Variants in OSBPL10 observed in about 807,000 individuals in gnomAD.
OSBPL10 encodes oxysterol binding protein like 10.
A neutral mutation model predicts 81.7 loss-of-function variants in OSBPL10; 49 were observed. That is an observed-to-expected ratio of 0.60 (90% CI 0.48 to 0.76). The LOEUF is 0.76. OSBPL10 is among the 30% of genes least tolerant of loss of function. The pLI, the probability that OSBPL10 is intolerant of heterozygous loss-of-function variation, is 0.00. For synonymous variants in OSBPL10, 419 were observed against 383.6 expected (o/e 1.09, Z -1.08); for missense variants, 923 against 987.8 (o/e 0.93, Z 0.88).
intron 4 of OSBPL10, among the ~76,000 whole-genome samples, chr3:31,781,784 AC>A (rs1277534092): frequency 2.6e-5 from 4 of 152,306 alleles, no homozygotes; most frequent in Non-Finnish European, 4.4e-5. Context: ...AAACTAGAGA[AC>A]ACTGCTGAAA....
chr3:31,771,749 T>C (rs1327387467), intron 4 of OSBPL10, among the ~76,000 whole-genome samples: 4 of 152,170 alleles, frequency 2.6e-5, no homozygotes, highest in African/African-American at 9.7e-5. Context: ...CATGTCGACA[T>C]ATAGCTTAGA....
chr3:31,848,474 C>T (rs1350003849), intron 3 of OSBPL10, among the ~76,000 whole-genome samples: 3 of 151,868 alleles, frequency 2.0e-5, no homozygotes, highest in Non-Finnish European at 4.4e-5. Flanking sequence ...TGACTTTTTT[C>T]GTCAGTTCTT....
intron 4 of OSBPL10, among the ~76,000 whole-genome samples, chr3:31,766,323 T>A (rs1317446368): frequency 1.6e-5 from 1 of 62,702 alleles, no homozygotes; most frequent in Non-Finnish European, 3.8e-5. Context: ...CCAATGTAGT[T>A]TTTTTGTTTT....
intron 4 of OSBPL10, among the ~76,000 whole-genome samples, chr3:31,809,026 C>T: frequency 6.6e-6 from 1 of 152,150 alleles, no homozygotes; most frequent in East Asian, 1.9e-4. Context: ...GTAAACAAAG[C>T]ATTTTCAGCA....
intron 5 of OSBPL10, among the ~76,000 whole-genome samples, chr3:31,738,966 C>T (rs1697266603): frequency 6.6e-6 from 1 of 151,836 alleles, no homozygotes. Context: ...CAGAGCTGAG[C>T]AGGGCTGGGA....
rs1223586474 is a variant in OSBPL10 at position 31,727,600 on chromosome 3, T to A, written c.1095+5657A>T. 5.3e-5 allele frequency among the ~76,000 whole-genome samples: 8 copies of A among 152,222 alleles called. No homozygotes were observed. The East Asian group carries it at 1.5e-3, about 29-fold the overall frequency. ...GTTATCACAGGATTCAATAAAGTGA[T>A]TTTCAATCATCATAAGTCAGTGATA... On this transcript the variant is annotated intron_variant, in intron 6 of 11. Coordinates refer to ENST00000396556, the MANE Select transcript of OSBPL10 (RefSeq NM_017784.5).
At chr3:31,696,158 G>A (rs920611666) in intron 7 of OSBPL10, among the ~76,000 whole-genome samples, 1 of 151,686 alleles carries the variant, frequency 6.6e-6, no homozygotes, top group Non-Finnish European at 1.5e-5. Context: ...CTCTCTGCCT[G>A]CCCCCCTGCT....
chr3:31,873,600 G>A (rs763252454), intron 3 of OSBPL10, among the ~76,000 whole-genome samples: 51 of 152,184 alleles, frequency 3.4e-4, no homozygotes, highest in Middle Eastern at 3.4e-3. Flanking sequence ...CCCTGAACAC[G>A]ATTTTACGTA....
chr3:32,035,562 CAAAAAAAA>C (rs35533294), intron 2 of OSBPL10, among the ~76,000 whole-genome samples: 1 of 91,062 alleles, frequency 1.1e-5, no homozygotes, highest in Non-Finnish European at 2.0e-5. Context: ...AACTCTGTCT[CAAAAAAAA>C]AAAAAAAAAA....
chr3:31,930,917 G>C (rs1156493778), intron 1 of OSBPL10, among the ~76,000 whole-genome samples: 1 of 150,494 alleles, frequency 6.6e-6, no homozygotes, highest in African/African-American at 2.5e-5. Flanking sequence ...GGGAGGCTGA[G>C]GCAGGAGAAT....
At chr3:31,877,662 A>G (rs1208439408) in intron 2 of OSBPL10, among the ~76,000 whole-genome samples, 1 of 152,144 alleles carries the variant, frequency 6.6e-6, no homozygotes, top group African/African-American at 2.4e-5. Flanking sequence ...ACCTGACTTC[A>G]GCTTGAACTT....
chr3:31,857,018 T>C (rs907669077), intron 3 of OSBPL10, among the ~76,000 whole-genome samples: 1 of 152,196 alleles, frequency 6.6e-6, no homozygotes, highest in Admixed American at 6.5e-5. Flanking sequence ...ATCACACCAC[T>C]GCACTCCAGC....
At chr3:32,009,899 C>T (rs1282939303) in intron 2 of OSBPL10, among the ~76,000 whole-genome samples, 1 of 152,148 alleles carries the variant, frequency 6.6e-6, no homozygotes. Flanking sequence ...TGCTTTATGG[C>T]CTTGAGGCTA....
chr3:31,701,240 A>T (rs1212400160), intron 7 of OSBPL10, among the ~76,000 whole-genome samples: 1 of 152,148 alleles, frequency 6.6e-6, no homozygotes, highest in Non-Finnish European at 1.5e-5. Context: ...TGTGGAATCC[A>T]GAGCCTCCAC....
intron 4 of OSBPL10, among the ~76,000 whole-genome samples, chr3:31,796,700 G>A (rs1172184009): frequency 6.6e-6 from 1 of 152,114 alleles, no homozygotes; most frequent in Non-Finnish European, 1.5e-5. Flanking sequence ...TCAATTAGCA[G>A]ATGTCTTCAG....
At chr3:31,670,386 G>C (rs1420276804) in intron 9 of OSBPL10, among the ~76,000 whole-genome samples, 2 of 152,204 alleles carry the variant, frequency 1.3e-5, no homozygotes, top group African/African-American at 4.8e-5. Context: ...AGAAGGAAAT[G>C]ATCTTGACCT....
intron 2 of OSBPL10, among the ~76,000 whole-genome samples, chr3:32,001,870 A>G (rs977566467): frequency 1.3e-5 from 2 of 152,190 alleles, no homozygotes; most frequent in Non-Finnish European, 1.5e-5. Context: ...CTATTATCCA[A>G]TCCCAACTCT....
intron 7 of OSBPL10, among the ~76,000 whole-genome samples, chr3:31,693,946 T>C: frequency 6.6e-6 from 1 of 152,036 alleles, no homozygotes; most frequent in East Asian, 1.9e-4. Context: ...TTTAAAATAG[T>C]TTTGGTAGAG....
intron 7 of OSBPL10, among the ~76,000 whole-genome samples, chr3:31,699,734 C>T (rs561238777): frequency 3.9e-5 from 6 of 152,204 alleles, no homozygotes; most frequent in Non-Finnish European, 5.9e-5. Context: ...AGTGAACCAT[C>T]GCAAGATACA....
Sources: gnomAD v4.1 joint callset for allele counts (sites outside exome capture counted in the v4.1 genomes callset) on GRCh38, gnomAD v4.1.1 for gene constraint, MANE v1.5 for transcripts, NCBI Gene and HGNC (gene_info 2026-07-23, HGNC 2026-07-21) for gene names.